Variants in ZNF704 observed in about 807,000 individuals in gnomAD.
ZNF704 encodes glucocorticoid induced gene 1.
ZNF704 carries 10 observed loss-of-function variants against 44.7 expected under a neutral mutation model. The ratio of observed to expected loss-of-function variants is 0.22; its 90% CI spans 0.14 to 0.38. The LOEUF (loss-of-function observed/expected upper bound fraction) is 0.38, where lower values mean the gene tolerates loss of function less well. Among genes scored for constraint, ZNF704 ranks in the 10% least tolerant of loss-of-function variants. The pLI is 1.00. For synonymous variants in ZNF704, 211 were observed against 207.6 expected (o/e 1.02, Z -0.14); for missense variants, 390 against 545.5 (o/e 0.71, Z 2.84).
At chr8:80,701,247 T>C (rs1255936819) in intron 2 of ZNF704, among the ~76,000 whole-genome samples, 1 of 152,030 alleles carries the variant, frequency 6.6e-6, no homozygotes, top group Non-Finnish European at 1.5e-5. Context: ...GCATCCTACC[T>C]GCACTTGGCC....
chr8:80,821,345 G>C, intron 2 of ZNF704, 29 bp downstream of exon 2: 2 of 1,604,450 alleles, frequency 1.2e-6, no homozygotes, highest in Non-Finnish European at 1.7e-6. Flanking sequence ...TCCTGGGGCA[G>C]ACACATGTGA....
intron 1 of ZNF704, among the ~76,000 whole-genome samples, chr8:80,862,385 T>G (rs1057514369): frequency 2.0e-5 from 3 of 151,814 alleles, no homozygotes; most frequent in African/African-American, 7.3e-5. Flanking sequence ...GTGACAAAAA[T>G]CAATACAGGG....
intron 2 of ZNF704, among the ~76,000 whole-genome samples, chr8:80,810,378 C>T (rs553857310): frequency 1.2e-4 from 19 of 152,232 alleles, no homozygotes; most frequent in African/African-American, 2.4e-4. Flanking sequence ...AAGCAAGTAA[C>T]AAAATAAATC....
At chr8:80,650,827 T>C (rs547541264) in intron 7 of ZNF704, among the ~76,000 whole-genome samples, 2 of 152,256 alleles carry the variant, frequency 1.3e-5, no homozygotes, top group South Asian at 4.1e-4. Flanking sequence ...GCCACAAAGA[T>C]ACTCCTTGAG....
chr8:80,753,814 G>C (rs908549933), intron 2 of ZNF704, among the ~76,000 whole-genome samples: 1 of 152,212 alleles, frequency 6.6e-6, no homozygotes, highest in Non-Finnish European at 1.5e-5. Flanking sequence ...CCCAAAGTCA[G>C]CTACAGGGTT....
chr8:80,857,831 GC>G, intron 1 of ZNF704, among the ~76,000 whole-genome samples: 1 of 152,078 alleles, frequency 6.6e-6, no homozygotes, highest in Non-Finnish European at 1.5e-5. Context: ...CACTGGTAAA[GC>G]CATTCTCATC....
chr8:80,767,909 G>A (rs1156864523), intron 2 of ZNF704, among the ~76,000 whole-genome samples: 1 of 152,054 alleles, frequency 6.6e-6, no homozygotes, highest in Non-Finnish European at 1.5e-5. Flanking sequence ...CCTACTAATC[G>A]CCTTGAGTTT....
chr8:80,703,742 T>C (rs932775041), intron 2 of ZNF704, among the ~76,000 whole-genome samples: 41 of 152,196 alleles, frequency 2.7e-4, no homozygotes, highest in Non-Finnish European at 8.8e-5. Context: ...CCCAAAGTGC[T>C]GGGATTACAG....
chr8:80,763,917 A>G (rs928915827), intron 2 of ZNF704, among the ~76,000 whole-genome samples: 8 of 152,200 alleles, frequency 5.3e-5, no homozygotes, highest in Non-Finnish European at 8.8e-5. Context: ...TTTTTGTTAA[A>G]GCACAGCAAG....
the ZNF704 span, among the ~76,000 whole-genome samples, chr8:80,879,805 T>G: frequency 5.9e-5 from 9 of 152,316 alleles, no homozygotes; most frequent in African/African-American, 2.2e-4. Context: ...GTGTAATTAT[T>G]TCCTACTAAT....
intron 2 of ZNF704, among the ~76,000 whole-genome samples, chr8:80,717,605 T>A (rs748085867): frequency 1.3e-5 from 2 of 152,264 alleles, no homozygotes; most frequent in African/African-American, 4.8e-5. Flanking sequence ...TGCTTCTGTT[T>A]CTGCAAGTTC....
At chr8:80,796,093 T>C (rs547954782) in intron 2 of ZNF704, among the ~76,000 whole-genome samples, 2 of 152,368 alleles carry the variant, frequency 1.3e-5, no homozygotes, top group East Asian at 1.9e-4. Context: ...TCTTAGTCCA[T>C]ATTCTGTTGC....
chr8:80,667,786 C>CTCCT (rs1474768114), intron 5 of ZNF704, among the ~76,000 whole-genome samples: 2 of 152,178 alleles, frequency 1.3e-5, no homozygotes, highest in Non-Finnish European at 2.9e-5. Context: ...CAAACCCTGA[C>CTCCT]TCCTACACAT....
chr8:80,794,066 T>C (rs1373026157), intron 2 of ZNF704, among the ~76,000 whole-genome samples: 2 of 151,978 alleles, frequency 1.3e-5, no homozygotes, highest in Non-Finnish European at 2.9e-5. Context: ...ATACTTGTTA[T>C]AAATAACAAG....
chr8:80,654,613 G>C lies in ZNF704; in HGVS notation c.1032+4972C>G, dbSNP rs183112562. On this transcript the variant is annotated intron_variant, in intron 7 of 8. Coordinates refer to ENST00000327835, the MANE Select transcript of ZNF704 (RefSeq NM_001033723.3). ...AAATGTTCATCATCACTGGCCATCAGAGAAATGCAAATCAAAACCACAATG... is the reference window on the plus strand; with the variant it reads ...AAATGTTCATCATCACTGGCCATCACAGAAATGCAAATCAAAACCACAATG... 1.3e-3 allele frequency among the ~76,000 whole-genome samples: 199 copies of C among 152,332 alleles called. 1 individual carries two copies. The highest frequency in any genetic ancestry group is 4.4e-3 in the African/African-American group (182 of 41,558).
rs1419669447 is a variant in ZNF704, at chr8:80,747,409, TG to T, written c.222-54303del. On this transcript the variant is annotated intron_variant, in intron 2 of 8. Coordinates refer to ENST00000327835, the MANE Select transcript of ZNF704 (RefSeq NM_001033723.3). ...GCAGTACAGGAAACGCTAGCTCTGC[TG>T]GAAGACTTTTGATTTGCATTTGCTC... Among the ~76,000 whole-genome samples, 4 of 152,332 alleles carry T rather than the reference TG, an allele frequency of 2.6e-5. No individual in the cohort carries two copies. In the South Asian group the frequency reaches 6.2e-4, roughly 24 times the overall value.
intron 2 of ZNF704, among the ~76,000 whole-genome samples, chr8:80,732,043 T>C (rs1374722709): frequency 2.0e-5 from 3 of 152,104 alleles, no homozygotes; most frequent in Admixed American, 6.5e-5. Context: ...TATGTGCACA[T>C]AGTATAACAG....
chr8:80,701,846 T>C (rs1271944823), intron 2 of ZNF704, among the ~76,000 whole-genome samples: 2 of 151,928 alleles, frequency 1.3e-5, no homozygotes, highest in Non-Finnish European at 2.9e-5. Context: ...TGGACTGCTG[T>C]GGGTTGTGGG....
chr8:80,749,642 G>C (rs188215484), intron 2 of ZNF704: 71 of 153,380 alleles, frequency 4.6e-4, no homozygotes, highest in African/African-American at 1.5e-3. Context: ...TATTCTGCAT[G>C]AAGAGAAATT....
Sources: allele counts gnomAD v4.1 joint callset (sites outside exome capture counted in the v4.1 genomes callset), GRCh38; gene constraint gnomAD v4.1.1; transcripts MANE v1.5; gene names NCBI Gene and HGNC (gene_info 2026-07-23, HGNC 2026-07-21).